The following RSPH14 variants were observed in gnomAD, a reference collection of about 807,000 sequenced individuals.
RSPH14 encodes radial spoke head 14 homolog.
A neutral mutation model predicts 26.7 loss-of-function variants in RSPH14; 20 were observed. The ratio of observed to expected loss-of-function variants is 0.75; its 90% CI spans 0.53 to 1.09. RSPH14 has a LOEUF of 1.09. Among genes scored for constraint, RSPH14 ranks in the 50% least tolerant of loss-of-function variants. The pLI, the probability that RSPH14 is intolerant of heterozygous loss-of-function variation, is 0.00. For missense variants in RSPH14, 449 were observed against 457.2 expected (o/e 0.98, Z 0.16); for synonymous variants, 177 against 189.3 (o/e 0.93, Z 0.53).
intron 4 of RSPH14, among the ~76,000 whole-genome samples, chr22:23,125,211 A>C (rs1445353241): frequency 6.6e-6 from 1 of 152,092 alleles, no homozygotes; most frequent in Admixed American, 6.5e-5. Context: ...AAACATCACG[A>C]GAGGAAAGAA....
At chr22:23,070,701 G>A (rs1036942612) in intron 4 of RSPH14, 1 of 152,158 alleles carries the variant, frequency 6.6e-6, no homozygotes, top group Non-Finnish European at 1.5e-5. Flanking sequence ...CCAGGACGCA[G>A]CGTCAGGGAT....
chr22:23,059,718 C>T lies in RSPH14; in HGVS notation c.791G>A (p.Gly264Glu). The T allele has an allele frequency of 6.6e-7, 1 of 1,517,692 alleles. No individual in the cohort carries two copies. Among genetic ancestry groups the T allele is most frequent in the Non-Finnish European group, 8.8e-7 (1 of 1,135,682 alleles). The allele number at this position is 1,517,692 out of a possible 1,614,324, so 94.0% of individuals were successfully genotyped here. A position where few individuals can be genotyped will look rare whatever the true frequency, so the allele number is the denominator to read the frequency against. The change falls in exon 7 of 7, where the codon GGG becomes GAG. Residue 264 changes from glycine to glutamate, a missense_variant and splice_region_variant. Gly to Glu is a moderately conservative substitution (Grantham distance 98). Transcript: ENST00000216036. ...TTGTGCCTCCAGGGCCGCATACTTC[C>T]CTGCAGGCCACCAACACAAGGCGTT... ...ALMFATVITE[G>E]KYAALEAQAI... is the part of the protein sequence containing the mutation.
intron 3 of RSPH14, chr22:23,136,144 T>C (rs1010153115): frequency 3.1e-6 from 2 of 651,940 alleles, no homozygotes; most frequent in Admixed American, 2.3e-5. Context: ...ATGTCTCTCA[T>C]GCTTTGATAG....
upstream of RSPH14, chr22:23,145,685 C>T: frequency 1.8e-6 from 2 of 1,102,532 alleles, no homozygotes; most frequent in East Asian, 2.6e-5. Context: ...CGGCCTGCGG[C>T]CCCGGGGCGT....
At chr22:23,107,449 A>G (rs1313208147) in intron 4 of RSPH14, among the ~76,000 whole-genome samples, 1 of 152,168 alleles carries the variant, frequency 6.6e-6, no homozygotes, top group Non-Finnish European at 1.5e-5. Flanking sequence ...CGAGGGCCTC[A>G]TGAAAACCCA....
chr22:23,064,354 C>T (rs1346135418), intron 4 of RSPH14, among the ~76,000 whole-genome samples: 1 of 152,224 alleles, frequency 6.6e-6, no homozygotes, highest in East Asian at 1.9e-4. Flanking sequence ...AGGGCGGAGG[C>T]TCAGAGAACC....
the RSPH14 span, chr22:23,153,482 G>C: frequency 1.8e-5 from 14 of 792,644 alleles, no homozygotes; most frequent in Non-Finnish European, 2.1e-5. Flanking sequence ...CAGCAGGGTG[G>C]CCTCCCGCAG....
At chr22:23,098,991 C>T (rs1038850629) in intron 4 of RSPH14, among the ~76,000 whole-genome samples, 3 of 152,224 alleles carry the variant, frequency 2.0e-5, no homozygotes, top group Non-Finnish European at 2.9e-5. Context: ...AGGCCATGCT[C>T]GTTTTCACAA....
intron 4 of RSPH14, among the ~76,000 whole-genome samples, chr22:23,110,851 C>T (rs967896704): frequency 2.6e-5 from 4 of 152,344 alleles, no homozygotes; most frequent in Middle Eastern, 3.4e-3. Flanking sequence ...CAAGGGCCCA[C>T]CACACTCTGA....
intron 4 of RSPH14, among the ~76,000 whole-genome samples, chr22:23,127,301 A>G (rs751899703): frequency 7.9e-5 from 12 of 152,228 alleles, no homozygotes; most frequent in Non-Finnish European, 4.4e-5. Flanking sequence ...GATGCCTGAC[A>G]GGCCGGGAAC....
chr22:23,083,651 A>G (rs1159072791), intron 4 of RSPH14, among the ~76,000 whole-genome samples: 1 of 152,252 alleles, frequency 6.6e-6, no homozygotes, highest in Non-Finnish European at 1.5e-5. Context: ...TTGGAGGCGA[A>G]GGTGGGAGGA....
At chr22:23,145,244 CCCGCCCACCGCCCACCCATCCAGCA>C, upstream of RSPH14, 1 of 857,808 alleles carries the variant, frequency 1.2e-6, no homozygotes, top group Non-Finnish European at 1.8e-6. Flanking sequence ...CCTCCATAGC[CCCGCCCACCGCCCACCCATCCAGCA>C]CCGCCCTTGT....
At chr22:23,140,574 T>C (rs915123025) in intron 1 of RSPH14, 102 bp from the exon 2 acceptor site, 66 of 1,310,162 alleles carry the variant, frequency 5.0e-5, no homozygotes, top group Non-Finnish European at 6.4e-5. Context: ...GTATTTTTAC[T>C]TTCATTTTAC....
chr22:23,066,315 T>C lies in RSPH14; in HGVS notation c.422-2182A>G, dbSNP rs535875239. ...AGTTAGGGGAGGAATATAGAAGGAG[T>C]TGAGGTCAGAAAAGTCAACATTCAA... On this transcript the variant is annotated intron_variant, in intron 4 of 6. Coordinates refer to ENST00000216036, the MANE Select transcript of RSPH14 (RefSeq NM_014433.3). 2.0e-5 allele frequency among the ~76,000 whole-genome samples: 3 copies of C among 151,510 alleles called. No individual in the cohort carries two copies. In the South Asian group the frequency reaches 6.3e-4, roughly 32 times the overall value.
chr22:23,108,770 T>TCTCTGGCTGGCA (rs2069557070), intron 4 of RSPH14, among the ~76,000 whole-genome samples: 2 of 152,356 alleles, frequency 1.3e-5, no homozygotes, highest in African/African-American at 4.8e-5. Context: ...CTCCACCTGC[T>TCTCTGGCTGGCA]CTCTGGCTGG....
intron 4 of RSPH14, among the ~76,000 whole-genome samples, chr22:23,084,054 A>T (rs1186077582): frequency 6.6e-6 from 1 of 152,142 alleles, no homozygotes; most frequent in Non-Finnish European, 1.5e-5. Context: ...GGGGTGAGCT[A>T]TGCAGGCGAT....
chr22:23,092,740 G>A lies in RSPH14; in HGVS notation c.422-28607C>T, dbSNP rs374603182. Among the ~76,000 whole-genome samples, 26 of 152,306 alleles carry A rather than the reference G, an allele frequency of 1.7e-4. No individual in the cohort carries two copies. The East Asian group carries it at 3.5e-3, about 20-fold the overall frequency. The stretch of plus-strand genomic sequence containing the variant: ...CTGCTCTCCTGATTCCCCAGCCTTG[G>A]AGCCAGGGAGCACATACATCCCAAA... On this transcript the variant is annotated intron_variant, in intron 4 of 6. Coordinates refer to ENST00000216036, the MANE Select transcript of RSPH14 (RefSeq NM_014433.3).
the RSPH14 span, chr22:23,153,488 C>T: frequency 1.7e-5 from 15 of 866,988 alleles, no homozygotes; most frequent in Admixed American, 6.2e-5. Context: ...GGTGGCCTCC[C>T]GCAGGTTGCT....
chr22:23,108,257 C>A (rs538566139), intron 4 of RSPH14, among the ~76,000 whole-genome samples: 1 of 152,236 alleles, frequency 6.6e-6, no homozygotes, highest in Non-Finnish European at 1.5e-5. Context: ...CAGGGGAGAG[C>A]GGTCCCCAAG....
Sources: gnomAD v4.1 joint callset for allele counts (sites outside exome capture counted in the v4.1 genomes callset) on GRCh38, gnomAD v4.1.1 for gene constraint, MANE v1.5 for transcripts, NCBI Gene and HGNC (gene_info 2026-07-23, HGNC 2026-07-21) for gene names.